RNF128: variants seen among roughly 807,000 people sequenced by gnomAD.
The protein encoded by RNF128 is E3 ubiquitin-protein ligase RNF128.
RNF128 carries 13 observed loss-of-function variants against 26.2 expected under a neutral mutation model. The observed-to-expected ratio is 0.50, with a 90% CI of 0.32 to 0.79. The LOEUF is 0.79. Among genes scored for constraint, RNF128 ranks in the 30% least tolerant of loss-of-function variants. The pLI, the probability that RNF128 is intolerant of heterozygous loss-of-function variation, is 0.03. For synonymous variants in RNF128, 149 were observed against 142.5 expected, an observed-to-expected ratio of 1.05 and a Z score of -0.32; for missense variants, 315 against 349.7, an observed-to-expected ratio of 0.90 and a Z score of 0.79.
At chrX:106,788,113 T>C in intron 4 of RNF128, 113 bp downstream of exon 4, 1 of 401,749 alleles carries the variant, frequency 2.5e-6, no homozygotes, top group South Asian at 6.0e-5. Flanking sequence ...ATGTTTATTT[T>C]TTAACTTATC....
intron 1 of RNF128, among the ~76,000 whole-genome samples, chrX:106,733,364 G>A (rs960441128): frequency 3.6e-5 from 4 of 111,210 alleles, no homozygotes; most frequent in Non-Finnish European, 5.7e-5. Flanking sequence ...AATACAGAAT[G>A]CCACATTTTA....
intron 6 of RNF128, among the ~76,000 whole-genome samples, chrX:106,793,570 G>A (rs1421806970): frequency 1.8e-5 from 2 of 110,709 alleles, no homozygotes; most frequent in East Asian, 2.8e-4. Flanking sequence ...GCCCACTAAC[G>A]TCCTTTTTCT....
intron 2 of RNF128, among the ~76,000 whole-genome samples, chrX:106,773,968 A>G (rs1028322782): frequency 1.1e-4 from 12 of 111,165 alleles, no homozygotes; most frequent in African/African-American, 3.9e-4. Flanking sequence ...TGGAAAAACA[A>G]ATCCAACCCT....
upstream of RNF128, among the ~76,000 whole-genome samples, chrX:106,723,719 T>A (rs1206845401): frequency 9.0e-6 from 1 of 111,121 alleles, no homozygotes; most frequent in East Asian, 2.8e-4. Flanking sequence ...TCCCTGAATG[T>A]TCTTTGGAGT....
intron 4 of RNF128, among the ~76,000 whole-genome samples, chrX:106,788,451 AAT>A (rs1269241453): frequency 1.1e-4 from 5 of 47,615 alleles, no homozygotes; most frequent in Non-Finnish European, 1.7e-4. Flanking sequence ...TTATAATTAT[AAT>A]ATATATAATA....
At chrX:106,746,445 T>C (rs1314199964) in intron 1 of RNF128, among the ~76,000 whole-genome samples, 1 of 111,311 alleles carries the variant, frequency 9.0e-6, no homozygotes, top group Non-Finnish European at 1.9e-5. Context: ...TATTACATAG[T>C]TGGTGCTTAA....
intron 1 of RNF128, among the ~76,000 whole-genome samples, chrX:106,697,459 G>A (rs1195603819): frequency 1.8e-5 from 2 of 111,631 alleles, no homozygotes; most frequent in Non-Finnish European, 3.8e-5. Flanking sequence ...AGAGTGCCAG[G>A]CTAGGTCCTA....
chrX:106,711,237 C>T (rs1177669000), intron 1 of RNF128, among the ~76,000 whole-genome samples: 1 of 111,780 alleles, frequency 8.9e-6, no homozygotes, highest in Non-Finnish European at 1.9e-5. Flanking sequence ...TGCACTTTTG[C>T]AAACCCTGCA....
intron 1 of RNF128, among the ~76,000 whole-genome samples, chrX:106,751,344 AC>A (rs921077094): frequency 9.0e-6 from 1 of 110,951 alleles, no homozygotes; most frequent in Non-Finnish European, 1.9e-5. Flanking sequence ...GAGGAAAACA[AC>A]ATGGGGCATA....
At position 106,795,864 on chromosome X, in the gene RNF128, TA is replaced by T. The variant is rs1930907568; in HGVS notation, c.*155del. The T allele has an allele frequency of 1.0e-5, 4 of 398,137 alleles. No homozygotes were observed. In the East Asian group the frequency reaches 1.9e-4, roughly 19 times the overall value. The allele number at this position is 398,137 out of a possible 1,213,427, so 32.8% of individuals were successfully genotyped here. A position where few individuals can be genotyped will look rare whatever the true frequency, so the allele number is the denominator to read the frequency against. Reference sequence around the variant, plus strand: ...AATATTATGCTATAGTTAAATGGCTTAAAATATTTAACCTGTTAACTTTTTT... The same window carrying T: ...AATATTATGCTATAGTTAAATGGCTTAAATATTTAACCTGTTAACTTTTTT... On this transcript the variant is annotated 3_prime_UTR_variant, in exon 7 of 7. Coordinates refer to ENST00000255499, the MANE Select transcript of RNF128 (RefSeq NM_194463.2).
At chrX:106,788,264 G>T (rs1160743108) in intron 4 of RNF128, among the ~76,000 whole-genome samples, 1 of 69,372 alleles carries the variant, frequency 1.4e-5, no homozygotes, top group East Asian at 4.3e-4. Context: ...CAGCACAATT[G>T]ATATATATGT....
chrX:106,751,438 C>T (rs531939223), intron 1 of RNF128, among the ~76,000 whole-genome samples: 1 of 111,166 alleles, frequency 9.0e-6, no homozygotes. Context: ...AGCCTCACCA[C>T]TGTGAGCTAA....
At chrX:106,783,760 G>A (rs375904530) in intron 2 of RNF128, among the ~76,000 whole-genome samples, 107 of 111,295 alleles carry the variant, frequency 9.6e-4, no homozygotes, top group African/African-American at 3.1e-3. Flanking sequence ...GAAGCTTGGC[G>A]CCAACCTCCG....
intron 1 of RNF128, among the ~76,000 whole-genome samples, chrX:106,733,442 A>T (rs967367089): frequency 7.2e-5 from 8 of 111,863 alleles, no homozygotes; most frequent in African/African-American, 9.7e-5. Context: ...TAATTTTCTG[A>T]TTATAAAATT....
At chrX:106,716,288 A>G (rs1929215318) in intron 1 of RNF128, among the ~76,000 whole-genome samples, 1 of 111,800 alleles carries the variant, frequency 8.9e-6, no homozygotes, top group Admixed American at 9.6e-5. Context: ...TAAATACCAC[A>G]CCAACGCAAT....
At chrX:106,758,920 C>A (rs1027295405) in intron 1 of RNF128, among the ~76,000 whole-genome samples, 3 of 111,301 alleles carry the variant, frequency 2.7e-5, no homozygotes, top group African/African-American at 9.8e-5. Flanking sequence ...GTAACCAAAG[C>A]AAACATGAAG....
chrX:106,792,125 A>G (rs73531123), intron 6 of RNF128, among the ~76,000 whole-genome samples: 15,252 of 110,281 alleles, frequency 0.14, 2,625 homozygotes, highest in African/African-American at 0.48. Context: ...TGTATTTCTT[A>G]TATCTAATCT....
chrX:106,713,463 A>G (rs929724343), intron 1 of RNF128, among the ~76,000 whole-genome samples: 11 of 110,974 alleles, frequency 9.9e-5, no homozygotes, highest in African/African-American at 3.6e-4. Context: ...GCCGAGATCA[A>G]CCACTGCACT....
chrX:106,713,904 G>C (rs1302046823), intron 1 of RNF128, among the ~76,000 whole-genome samples: 1 of 111,514 alleles, frequency 9.0e-6, no homozygotes, highest in African/African-American at 3.3e-5. Flanking sequence ...GGCCGGGCGC[G>C]GTGGCTCACG....
Sources: gnomAD v4.1 joint callset for allele counts (sites outside exome capture counted in the v4.1 genomes callset) on GRCh38, gnomAD v4.1.1 for gene constraint, MANE v1.5 for transcripts, NCBI Gene and HGNC (gene_info 2026-07-23, HGNC 2026-07-21) for gene names.